The following SLX4IP variants were observed in gnomAD, a reference collection of about 807,000 sequenced individuals.
The protein encoded by SLX4IP is protein SLX4IP.
Under a neutral mutation model 32.9 loss-of-function variants are expected in SLX4IP, and 34 were observed. That is an observed-to-expected ratio of 1.03 (90% CI 0.79 to 1.38). The LOEUF (loss-of-function observed/expected upper bound fraction) is 1.38, where lower values mean the gene tolerates loss of function less well. Ranked by LOEUF, SLX4IP falls within the 40% of genes most tolerant of loss-of-function variation. The pLI, the probability that SLX4IP is intolerant of heterozygous loss-of-function variation, is 0.00. For synonymous variants in SLX4IP, 172 were observed against 171.7 expected (o/e 1.00, Z -0.01); for missense variants, 444 against 479.0 (o/e 0.93, Z 0.68).
intron 4 of SLX4IP, among the ~76,000 whole-genome samples, chr20:10,597,556 A>ACATT (rs1479261978): frequency 6.6e-6 from 1 of 152,196 alleles, no homozygotes; most frequent in East Asian, 1.9e-4. Flanking sequence ...CTTTCATGTA[A>ACATT]CATTATGTTT....
At chr20:10,541,107 G>T (rs2066101225) in intron 2 of SLX4IP, among the ~76,000 whole-genome samples, 1 of 152,228 alleles carries the variant, frequency 6.6e-6, no homozygotes, top group African/African-American at 2.4e-5. Context: ...AGCTGAGTGA[G>T]GGTGAAAGGT....
Position 10,455,565 on chromosome 20 carries a change from T to C in SLX4IP, c.-29-2611T>C, listed in dbSNP as rs181304477. 2.7e-3 allele frequency among the ~76,000 whole-genome samples: 405 copies of C among 151,712 alleles called. 2 individuals carry two copies. Among genetic ancestry groups the C allele is most frequent in the African/African-American group, 9.3e-3 (386 of 41,318 alleles). ...TCTATTTCTATCAATTTTATTCCAA[T>C]TGACCTGTATGTCTTTTATTTATTT... On this transcript the variant is annotated intron_variant, in intron 1 of 7. Coordinates refer to ENST00000334534, the MANE Select transcript of SLX4IP (RefSeq NM_001009608.3).
chr20:10,498,409 T>TC (rs760065971), intron 2 of SLX4IP, among the ~76,000 whole-genome samples: 27 of 152,180 alleles, frequency 1.8e-4, no homozygotes, highest in East Asian at 1.4e-3. Flanking sequence ...GAATGGAACT[T>TC]CCCACTGCCC....
chr20:10,548,612 G>A (rs1205605240), intron 2 of SLX4IP, among the ~76,000 whole-genome samples: 2 of 152,174 alleles, frequency 1.3e-5, no homozygotes, highest in Non-Finnish European at 2.9e-5. Context: ...ATTATGGAGT[G>A]TTCCTTGTAC....
intron 2 of SLX4IP, among the ~76,000 whole-genome samples, chr20:10,491,825 C>T (rs2065626456): frequency 6.6e-6 from 1 of 152,140 alleles, no homozygotes; most frequent in Non-Finnish European, 1.5e-5. Context: ...CCGTGTATGT[C>T]TCCTCAACCT....
intron 2 of SLX4IP, among the ~76,000 whole-genome samples, chr20:10,544,858 C>G (rs762952408): frequency 7.9e-5 from 12 of 151,524 alleles, no homozygotes; most frequent in Non-Finnish European, 1.6e-4. Context: ...TTTTTTCTTC[C>G]TTTCTATTGT....
intron 6 of SLX4IP, among the ~76,000 whole-genome samples, chr20:10,615,451 C>A (rs1303657975): frequency 1.3e-5 from 2 of 152,146 alleles, no homozygotes; most frequent in Non-Finnish European, 2.9e-5. Flanking sequence ...GAATCCTCCT[C>A]ATCTTCTCAA....
intron 6 of SLX4IP, among the ~76,000 whole-genome samples, chr20:10,609,612 G>A (rs1050713223): frequency 1.3e-5 from 2 of 152,106 alleles, no homozygotes; most frequent in Non-Finnish European, 2.9e-5. Flanking sequence ...TACTCCCTGC[G>A]CAGCTGGACT....
chr20:10,530,474 G>C (rs937578282), intron 2 of SLX4IP, among the ~76,000 whole-genome samples: 2 of 152,204 alleles, frequency 1.3e-5, no homozygotes, highest in African/African-American at 4.8e-5. Context: ...ATGATTACCA[G>C]TGGTTAACGA....
chr20:10,569,288 C>T (rs1251686316), intron 4 of SLX4IP, among the ~76,000 whole-genome samples: 2 of 151,414 alleles, frequency 1.3e-5, no homozygotes, highest in African/African-American at 2.4e-5. Context: ...CAGGTTCAAG[C>T]GATTCTCCTG....
At chr20:10,605,024 A>C (rs772270238) in intron 6 of SLX4IP, among the ~76,000 whole-genome samples, 2 of 152,228 alleles carry the variant, frequency 1.3e-5, no homozygotes, top group Non-Finnish European at 2.9e-5. Flanking sequence ...ATTCCATTCC[A>C]ACAATATTTT....
rs576639212 is a variant in SLX4IP, at chr20:10,440,912, G to T, written c.-30+5459G>T. Among the ~76,000 whole-genome samples, 232 of 152,254 alleles carry T rather than the reference G, an allele frequency of 1.5e-3. 2 individuals are homozygous for T. The highest frequency in any genetic ancestry group is 5.4e-3 in the African/African-American group (224 of 41,532). On this transcript the variant is annotated intron_variant, in intron 1 of 7. Transcript: ENST00000334534. ...GCATCCACTGTGTATCAGGCACTAG[G>T]CCCCATAATTACATATCTGATCTCA...
chr20:10,567,915 C>T (rs541624829), intron 4 of SLX4IP, among the ~76,000 whole-genome samples: 2 of 152,320 alleles, frequency 1.3e-5, no homozygotes, highest in African/African-American at 4.8e-5. Flanking sequence ...TGGGCAGTGC[C>T]ACTGATTAGG....
intron 1 of SLX4IP, among the ~76,000 whole-genome samples, chr20:10,447,851 C>A (rs944195044): frequency 2.7e-5 from 4 of 148,642 alleles, no homozygotes; most frequent in African/African-American, 9.9e-5. Flanking sequence ...CAGGTGGGGG[C>A]TCCACACCTG....
chr20:10,609,341 C>T (rs1028825905), intron 6 of SLX4IP, among the ~76,000 whole-genome samples: 20 of 152,220 alleles, frequency 1.3e-4, no homozygotes, highest in Non-Finnish European at 2.6e-4. Context: ...CCCAAGGATA[C>T]AGTGTCATAA....
chr20:10,592,128 C>A (rs1023294038), intron 4 of SLX4IP, among the ~76,000 whole-genome samples: 1 of 152,100 alleles, frequency 6.6e-6, no homozygotes, highest in Non-Finnish European at 1.5e-5. Context: ...TAGTACTGTC[C>A]TTATTTAGGG....
chr20:10,435,337 CT>C lies in SLX4IP; in HGVS notation c.-145del, dbSNP rs959136010. 21 of 152,318 alleles carry C rather than the reference CT, an allele frequency of 1.4e-4. No individual in the cohort carries two copies. Among genetic ancestry groups the C allele is most frequent in the African/African-American group, 5.1e-4 (21 of 41,548 alleles). 9.4% of individuals were successfully genotyped at this position (152,318 alleles called of 1,614,324 possible). A position where few individuals can be genotyped will look rare whatever the true frequency, so the allele number is the denominator to read the frequency against. On this transcript the variant is annotated 5_prime_UTR_variant, in exon 1 of 8. Transcript: ENST00000334534. ...CTTCCCTTAAGCTTCTGAAGGTTGG[CT>C]GCAGTTCCGGCTACCTGTGTAGTCC...
chr20:10,534,143 TAGGGGTAAACAGGGC>T (rs902676354), intron 2 of SLX4IP, among the ~76,000 whole-genome samples: 13 of 151,916 alleles, frequency 8.6e-5, no homozygotes, highest in African/African-American at 3.1e-4. Flanking sequence ...GCCTTGTGGG[TAGGGGTAAACAGGGC>T]AGAAGCCAAG....
Position 10,623,804 on chromosome 20 carries a change from G to A in SLX4IP, c.*425G>A, listed in dbSNP as rs978510200. 5.9e-6 allele frequency: 1 copy of A among 168,604 alleles called. No individual in the cohort carries two copies. The highest frequency in any genetic ancestry group is 1.3e-5 in the Non-Finnish European group (1 of 77,398). 10.4% of individuals were successfully genotyped at this position (168,604 alleles called of 1,614,324 possible). ...GTACAATCCATCCCCCTGCTCCTCA[G>A]CCTGAGTAGGAGGGCAGTGAAAGAA... is the stretch of plus-strand genomic sequence containing the variant. On this transcript the variant is annotated 3_prime_UTR_variant, in exon 8 of 8. Transcript: ENST00000334534.
Sources: allele counts gnomAD v4.1 joint callset (sites outside exome capture counted in the v4.1 genomes callset), GRCh38; gene constraint gnomAD v4.1.1; transcripts MANE v1.5; gene names NCBI Gene and HGNC (gene_info 2026-07-23, HGNC 2026-07-21).